PFDN1: variants seen among roughly 807,000 people sequenced by gnomAD.
PFDN1 encodes the protein prefoldin 1.
In PFDN1, 6 loss-of-function variants were observed where a neutral mutation model predicts 17.3. The observed-to-expected ratio is 0.35, with a 90% confidence interval of 0.19 to 0.69. The LOEUF (loss-of-function observed/expected upper bound fraction) is 0.69. Ranked by LOEUF, PFDN1 falls within the 30% of genes least tolerant of loss-of-function variation. PFDN1 has a pLI of 0.65. For synonymous variants in PFDN1, 58 were observed against 50.1 expected (o/e 1.16, Z -0.67); for missense variants, 113 against 146.2 (o/e 0.77, Z 1.17).
At chr5:140,300,281 G>A (rs1417523988) in intron 2 of PFDN1, 135 bp downstream of exon 2, 28 of 630,246 alleles carry the variant, frequency 4.4e-5, no homozygotes, top group East Asian at 8.2e-5. Flanking sequence ...CACTCGCCTC[G>A]ACCTCCCAAA....
At chr5:140,255,598 A>G (rs1396349214) in intron 3 of PFDN1, among the ~76,000 whole-genome samples, 5 of 152,170 alleles carry the variant, frequency 3.3e-5, no homozygotes, top group Non-Finnish European at 7.4e-5. Flanking sequence ...AGCCGTGATC[A>G]TGCCACTGCA....
At chr5:140,266,149 G>A (rs1241336045) in intron 3 of PFDN1, among the ~76,000 whole-genome samples, 4 of 152,156 alleles carry the variant, frequency 2.6e-5, no homozygotes, top group African/African-American at 4.8e-5. Flanking sequence ...GAAGAAGACA[G>A]GGAGGATTTG....
At chr5:140,281,621 A>G (rs2126693250) in intron 2 of PFDN1, 88 bp from the exon 3 acceptor site, 2 of 720,770 alleles carry the variant, frequency 2.8e-6, no homozygotes, top group East Asian at 2.5e-5. Flanking sequence ...TATTAAACTG[A>G]GCAAATTAAA....
At chr5:140,257,130 G>A (rs367636863) in intron 3 of PFDN1, among the ~76,000 whole-genome samples, 1 of 151,928 alleles carries the variant, frequency 6.6e-6, no homozygotes, top group East Asian at 1.9e-4. Context: ...GGCTGAGGCA[G>A]GAGAATCGCT....
chr5:140,286,603 G>GC (rs1765496373), intron 2 of PFDN1, among the ~76,000 whole-genome samples: 1 of 42,236 alleles, frequency 2.4e-5, no homozygotes, highest in Admixed American at 2.0e-4. Flanking sequence ...TTTGCGGGGG[G>GC]GGGGGGGGGG....
intron 2 of PFDN1, among the ~76,000 whole-genome samples, chr5:140,295,281 T>C (rs980495657): frequency 2.6e-5 from 4 of 152,128 alleles, no homozygotes; most frequent in African/African-American, 9.6e-5. Flanking sequence ...ATAATTCTTA[T>C]TTTAAAAATA....
At chr5:140,285,017 T>A (rs1429623551) in intron 2 of PFDN1, among the ~76,000 whole-genome samples, 1 of 152,222 alleles carries the variant, frequency 6.6e-6, no homozygotes, top group Non-Finnish European at 1.5e-5. Context: ...TCAAAACCAT[T>A]GTTCACCTGC....
chr5:140,252,143 C>T (rs1044860971), intron 3 of PFDN1, among the ~76,000 whole-genome samples: 1 of 151,432 alleles, frequency 6.6e-6, no homozygotes, highest in African/African-American at 2.4e-5. Context: ...CCCATTTCTA[C>T]TTTAGCCACA....
At chr5:140,252,778 A>G (rs1463205498) in intron 3 of PFDN1, among the ~76,000 whole-genome samples, 2 of 152,192 alleles carry the variant, frequency 1.3e-5, no homozygotes, top group Non-Finnish European at 2.9e-5. Context: ...AGGCAACAAG[A>G]GGACACAATC....
chr5:140,286,411 C>CAAAAAA (rs70988742), intron 2 of PFDN1, among the ~76,000 whole-genome samples: 5 of 83,510 alleles, frequency 6.0e-5, no homozygotes, highest in Non-Finnish European at 9.1e-5. Flanking sequence ...GACTCTGTCT[C>CAAAAAA]AAAAAAAAAA....
intron 2 of PFDN1, among the ~76,000 whole-genome samples, chr5:140,284,581 A>G (rs1295698306): frequency 6.6e-6 from 1 of 152,244 alleles, no homozygotes; most frequent in Admixed American, 6.5e-5. Context: ...CAGTTGCTCA[A>G]TGTAGAGAAT....
At chr5:140,288,828 T>TA (rs1238296088) in intron 2 of PFDN1, among the ~76,000 whole-genome samples, 5 of 150,112 alleles carry the variant, frequency 3.3e-5, no homozygotes, top group Non-Finnish European at 7.4e-5. Flanking sequence ...CTACTAAAAA[T>TA]AAAAAAAATG....
chr5:140,259,644 G>A (rs1257721535), intron 3 of PFDN1, among the ~76,000 whole-genome samples: 1 of 152,206 alleles, frequency 6.6e-6, no homozygotes, highest in African/African-American at 2.4e-5. Flanking sequence ...AGTTTGGCCT[G>A]TAGGCATGGT....
chr5:140,252,149 CCACACGA>C (rs1218216255), intron 3 of PFDN1, among the ~76,000 whole-genome samples: 2 of 151,862 alleles, frequency 1.3e-5, no homozygotes, highest in African/African-American at 4.8e-5. Flanking sequence ...TCTACTTTAG[CCACACGA>C]CACTTTCTTC....
intron 3 of PFDN1, among the ~76,000 whole-genome samples, chr5:140,252,545 T>C (rs1276001571): frequency 1.3e-5 from 2 of 152,228 alleles, no homozygotes; most frequent in African/African-American, 2.4e-5. Context: ...GCAATGGCCA[T>C]CTTTTCGCTG....
At position 140,245,473 on chromosome 5, in the gene PFDN1, C is replaced by T. The variant is rs927124870; in HGVS notation, c.*501G>A. ...ACTGCATGCAGGCCCGGAAGCTGAG[C>T]GTTAGTCAAAGGTACAGGAAGGGAA... On this transcript the variant is annotated 3_prime_UTR_variant, in exon 4 of 4. Coordinates refer to ENST00000261813, the MANE Select transcript of PFDN1 (RefSeq NM_002622.5). The T allele has an allele frequency of 5.7e-6, 4 of 702,562 alleles. No individual in the cohort carries two copies. In the Admixed American group the frequency reaches 6.0e-5, roughly 11 times the overall value. The allele number at this position is 702,562 out of a possible 1,614,324, so 43.5% of individuals were successfully genotyped here. A position where few individuals can be genotyped will look rare whatever the true frequency, so the allele number is the denominator to read the frequency against.
intron 3 of PFDN1, among the ~76,000 whole-genome samples, chr5:140,253,457 T>C (rs1864970): frequency 0.48 from 73,392 of 151,990 alleles, 17,912 homozygotes; most frequent in South Asian, 0.71. Flanking sequence ...AGTGTTTAGC[T>C]GCTCGGTCCC....
At chr5:140,290,748 C>T (rs1765568259) in intron 2 of PFDN1, among the ~76,000 whole-genome samples, 1 of 152,084 alleles carries the variant, frequency 6.6e-6, no homozygotes, top group African/African-American at 2.4e-5. Context: ...GTGGTGGTTA[C>T]ATTTGTCAAA....
chr5:140,299,021 G>A (rs2126703124), intron 2 of PFDN1, among the ~76,000 whole-genome samples: 1 of 152,270 alleles, frequency 6.6e-6, no homozygotes, highest in South Asian at 2.1e-4. Flanking sequence ...GCAGTGCTGA[G>A]ATTACAGGCA....
Sources: gnomAD v4.1 joint callset for allele counts (sites outside exome capture counted in the v4.1 genomes callset) on GRCh38, gnomAD v4.1.1 for gene constraint, MANE v1.5 for transcripts, NCBI Gene and HGNC (gene_info 2026-07-23, HGNC 2026-07-21) for gene names.